Variants in DNAH11 observed in about 807,000 individuals in gnomAD.
The protein encoded by DNAH11 is axonemal beta dynein heavy chain 11.
DNAH11 carries 442 observed loss-of-function variants against 526.0 expected under a neutral mutation model. That is an observed-to-expected ratio of 0.84 (90% CI 0.78 to 0.91). The LOEUF (loss-of-function observed/expected upper bound fraction) is 0.91. Among genes scored for constraint, DNAH11 ranks in the 40% least tolerant of loss-of-function variants. DNAH11 has a pLI of 0.00. For synonymous variants in DNAH11, 2,461 were observed against 1,935.9 expected, an observed-to-expected ratio of 1.27 and a Z score of -7.12; for missense variants, 6,989 against 5,448.7, an observed-to-expected ratio of 1.28 and a Z score of -8.90.
Position 21,667,775 on chromosome 7 carries a change from G to A in DNAH11, c.5328+8744G>A, listed in dbSNP as rs571241882. ...AAGAGATTTTAAAATGACTGTGTACGTATGTGATTTTTTTTGCTAATAATT... is the reference window on the plus strand; with the variant it reads ...AAGAGATTTTAAAATGACTGTGTACATATGTGATTTTTTTTGCTAATAATT... On this transcript the variant is annotated intron_variant, in intron 30 of 81. Transcript: ENST00000409508. Among the ~76,000 whole-genome samples the A allele has an allele frequency of 2.9e-4, 44 of 152,214 alleles. No homozygotes were observed. In the South Asian group the frequency reaches 4.1e-3, roughly 14 times the overall value.
At chr7:21,631,950 G>C (rs1193119083) in intron 25 of DNAH11, among the ~76,000 whole-genome samples, 1 of 152,230 alleles carries the variant, frequency 6.6e-6, no homozygotes, top group East Asian at 1.9e-4. Flanking sequence ...TTCTCCATGA[G>C]GACGCTGCCG....
chr7:21,855,259 C>T (rs959971059), intron 68 of DNAH11, among the ~76,000 whole-genome samples: 4 of 152,032 alleles, frequency 2.6e-5, no homozygotes, highest in Admixed American at 6.5e-5. Flanking sequence ...TCTCTATCTC[C>T]TGACCTCGTG....
At chr7:21,839,391 G>GGT (rs1040700725) in intron 65 of DNAH11, among the ~76,000 whole-genome samples, 2 of 152,008 alleles carry the variant, frequency 1.3e-5, no homozygotes, top group African/African-American at 4.8e-5. Context: ...TGGACAACAT[G>GGT]GTGAAACCCT....
intron 25 of DNAH11, among the ~76,000 whole-genome samples, chr7:21,626,229 T>A (rs1786326079): frequency 6.6e-6 from 1 of 152,212 alleles, no homozygotes; most frequent in South Asian, 2.1e-4. Flanking sequence ...CTTTCTATGC[T>A]TGCCTTATTT....
At chr7:21,641,557 A>C (rs1170560436) in intron 28 of DNAH11, among the ~76,000 whole-genome samples, 1 of 152,196 alleles carries the variant, frequency 6.6e-6, no homozygotes, top group Non-Finnish European at 1.5e-5. Flanking sequence ...TCACTCAATG[A>C]ATTCTTGTCA....
At chr7:21,843,515 C>G (rs1405355115) in intron 66 of DNAH11, among the ~76,000 whole-genome samples, 1 of 144,732 alleles carries the variant, frequency 6.9e-6, no homozygotes, top group African/African-American at 2.6e-5. Flanking sequence ...GAGTCTTGCT[C>G]TGTCACCAAG....
At chr7:21,627,941 GT>G (rs1205501705) in intron 25 of DNAH11, among the ~76,000 whole-genome samples, 4 of 151,748 alleles carry the variant, frequency 2.6e-5, no homozygotes, top group Non-Finnish European at 4.4e-5. Flanking sequence ...TGTGTCTTCA[GT>G]TTTTTTCATT....
intron 63 of DNAH11, among the ~76,000 whole-genome samples, chr7:21,810,366 A>C (rs1381092462): frequency 6.6e-6 from 1 of 152,170 alleles, no homozygotes; most frequent in East Asian, 1.9e-4. Flanking sequence ...ACAGATTCTT[A>C]GTTTATATAT....
intron 62 of DNAH11, among the ~76,000 whole-genome samples, chr7:21,803,256 G>A (rs1487440282): frequency 6.6e-6 from 1 of 152,122 alleles, no homozygotes; most frequent in Non-Finnish European, 1.5e-5. Flanking sequence ...AAACAAATGG[G>A]AGCTTATTTT....
intron 54 of DNAH11, among the ~76,000 whole-genome samples, chr7:21,756,435 T>C (rs541895310): frequency 6.6e-6 from 1 of 152,278 alleles, no homozygotes; most frequent in Non-Finnish European, 1.5e-5. Context: ...GTGTTTATTA[T>C]AGCCCTATAG....
At chr7:21,650,302 A>C (rs1787567320) in intron 28 of DNAH11, among the ~76,000 whole-genome samples, 1 of 152,196 alleles carries the variant, frequency 6.6e-6, no homozygotes, top group African/African-American at 2.4e-5. Context: ...TGGATTATGT[A>C]AGTAATTGCA....
intron 55 of DNAH11, 68 bp downstream of exon 55, chr7:21,765,657 C>CAG: frequency 1.6e-6 from 2 of 1,282,936 alleles, no homozygotes; most frequent in Non-Finnish European, 2.1e-6. Context: ...CACACACACA[C>CAG]ACTCTGAAAA....
chr7:21,838,764 C>T (rs1782091273), intron 65 of DNAH11, among the ~76,000 whole-genome samples: 1 of 144,008 alleles, frequency 6.9e-6, no homozygotes, highest in Admixed American at 7.2e-5. Flanking sequence ...GACAGGGTCT[C>T]TGTTGCCCAG....
intron 45 of DNAH11, among the ~76,000 whole-genome samples, chr7:21,727,409 A>G (rs1785173368): frequency 6.6e-6 from 1 of 152,240 alleles, no homozygotes; most frequent in African/African-American, 2.4e-5. Flanking sequence ...CTTTTCACGT[A>G]TAACGTTCTT....
At chr7:21,635,786 A>G in intron 25 of DNAH11, 85 bp from the exon 26 acceptor site, 2 of 1,133,454 alleles carry the variant, frequency 1.8e-6, no homozygotes, top group Non-Finnish European at 2.4e-6. Context: ...TCCAGCAATA[A>G]ACAGAGTAGA....
chr7:21,749,956 C>T (rs895171383), intron 53 of DNAH11, among the ~76,000 whole-genome samples, 155 bp downstream of exon 53: 2 of 152,112 alleles, frequency 1.3e-5, no homozygotes, highest in African/African-American at 4.8e-5. Context: ...AGGTGTATTG[C>T]TTTCTTAGTC....
In DNAH11 at chr7:21,803,672, G is replaced by A. The variant is rs561925129; in HGVS notation, c.10165+2397G>A. On this transcript the variant is annotated intron_variant, in intron 62 of 81. Coordinates refer to ENST00000409508, the MANE Select transcript of DNAH11 (RefSeq NM_001277115.2). ...TTGAAGTCTGGAAAAGTGGGGAATG[G>A]GGCTATCATCATTGAAGTCTGGAAA... is the stretch of plus-strand genomic sequence containing the variant. Among the ~76,000 whole-genome samples, 162 of 152,056 alleles carry A rather than the reference G, an allele frequency of 1.1e-3. 1 individual carries two copies. The highest frequency in any genetic ancestry group is 3.7e-3 in the African/African-American group (155 of 41,442).
chr7:21,702,059 A>G (rs1385038941), intron 36 of DNAH11, among the ~76,000 whole-genome samples: 1 of 152,230 alleles, frequency 6.6e-6, no homozygotes, highest in Admixed American at 6.5e-5. Flanking sequence ...AAAAGCCAGA[A>G]GAAAAAATGT....
Position 21,599,923 on chromosome 7 carries a change from A to T in DNAH11, c.2804A>T (p.Glu935Val). 1 of 1,613,660 alleles carries T rather than the reference A, an allele frequency of 6.2e-7. No homozygotes were observed. The highest frequency in any genetic ancestry group is 1.1e-5 in the South Asian group (1 of 91,058). Reference sequence around the variant, plus strand: ...TTAGACTTCTTTCTGAAGAATACAGAGAAACAATTGAAACCGGCACCGTTT... The same window carrying T: ...TTAGACTTCTTTCTGAAGAATACAGTGAAACAATTGAAACCGGCACCGTTT... ...HDLDFFLKNT[E>V]KQLKPAPFFQ... The change falls in exon 15 of 82, where the codon GAG (glutamate) becomes GTG (valine). Residue 935 changes from glutamate to valine, a missense_variant. Coordinates refer to ENST00000409508, the MANE Select transcript of DNAH11 (RefSeq NM_001277115.2).
Sources: allele counts gnomAD v4.1 joint callset (sites outside exome capture counted in the v4.1 genomes callset), GRCh38; gene constraint gnomAD v4.1.1; transcripts MANE v1.5; gene names NCBI Gene and HGNC (gene_info 2026-07-23, HGNC 2026-07-21).